ZNF365: variants seen among roughly 807,000 people sequenced by gnomAD.
ZNF365 encodes the protein zinc finger protein 365.
ZNF365 carries 22 observed loss-of-function variants against 35.0 expected under a neutral mutation model. The observed-to-expected ratio is 0.63, with a 90% CI of 0.45 to 0.90. The LOEUF (loss-of-function observed/expected upper bound fraction) is 0.90, where lower values mean the gene tolerates loss of function less well. Among genes scored for constraint, ZNF365 ranks in the 40% least tolerant of loss-of-function variants. ZNF365 has a pLI of 0.00. For synonymous variants in ZNF365, 188 were observed against 196.2 expected, an observed-to-expected ratio of 0.96 and a Z score of 0.35; for missense variants, 448 against 500.3, an observed-to-expected ratio of 0.90 and a Z score of 1.00.
chr10:62,450,110 T>C lies in ZNF365; in HGVS notation c.925-9631T>C, dbSNP rs183697021. Among the ~76,000 whole-genome samples, 595 of 150,280 alleles carry C rather than the reference T, an allele frequency of 4.0e-3. 7 individuals carry two copies. The highest frequency in any genetic ancestry group is 0.014 in the African/African-American group (560 of 41,122). On this transcript the variant is annotated intron_variant, in intron 3 of 4. Transcript: ENST00000395255. ...AACATAGCAAGATCCCCAACTCCAT[T>C]AAAAAAAAAATTTTAAGACTTAGTG...
At chr10:62,467,051 C>T (rs1840956087) in intron 4 of ZNF365, among the ~76,000 whole-genome samples, 1 of 152,194 alleles carries the variant, frequency 6.6e-6, no homozygotes, top group African/African-American at 2.4e-5. Flanking sequence ...ATTCAGCATA[C>T]ATTAACCATT....
intron 2 of ZNF365, among the ~76,000 whole-genome samples, chr10:62,380,534 A>G (rs1313268521): frequency 1.3e-5 from 2 of 152,196 alleles, no homozygotes; most frequent in Admixed American, 6.5e-5. Flanking sequence ...TGGATTTTCA[A>G]CTGCATAGGA....
intron 3 of ZNF365, among the ~76,000 whole-genome samples, chr10:62,431,339 T>C (rs1840330707): frequency 6.6e-6 from 1 of 152,196 alleles, no homozygotes; most frequent in Non-Finnish European, 1.5e-5. Context: ...TATGTGTATA[T>C]AAATATAAAC....
intron 4 of ZNF365, among the ~76,000 whole-genome samples, chr10:62,461,266 G>T (rs1840842533): frequency 6.6e-6 from 1 of 152,178 alleles, no homozygotes; most frequent in Admixed American, 6.5e-5. Context: ...ATCACACGTG[G>T]GCCAAGAGCC....
At position 62,445,915 on chromosome 10, in the gene ZNF365, G is replaced by A. The variant is rs534943486; in HGVS notation, c.925-13826G>A. Among the ~76,000 whole-genome samples the A allele has an allele frequency of 7.9e-5, 12 of 152,250 alleles. No individual in the cohort carries two copies. In the South Asian group the frequency reaches 2.3e-3, roughly 29 times the overall value. ...AGAGATCCAGCATCTTCTATTGACT[G>A]TAGTCTTAGGCACCATGAACCCAGG... On this transcript the variant is annotated intron_variant, in intron 3 of 4. Transcript: ENST00000395255.
At chr10:62,402,546 G>C (rs1260979767), downstream of ZNF365, 1 of 733,798 alleles carries the variant, frequency 1.4e-6, no homozygotes, top group South Asian at 6.2e-5. Flanking sequence ...TGAATAAGCT[G>C]TTCATCATAC....
chr10:62,470,503 A>G (rs1035553741), intron 4 of ZNF365, among the ~76,000 whole-genome samples: 2 of 152,262 alleles, frequency 1.3e-5, no homozygotes, highest in African/African-American at 4.8e-5. Context: ...AAGGAGGGAC[A>G]CTGACAACCT....
rs1486753960 is a variant in ZNF365, at chr10:62,449,585, TATA to T, written c.925-10152_925-10150del. Among the ~76,000 whole-genome samples, 13 of 152,306 alleles carry T rather than the reference TATA, an allele frequency of 8.5e-5. 1 individual carries two copies. In the East Asian group the frequency reaches 2.5e-3, roughly 29 times the overall value. On this transcript the variant is annotated intron_variant, in intron 3 of 4. Coordinates refer to the ZNF365 transcript ENST00000395255. ...TCTGTACCATTGGAACATTTTACAA[TATA>T]ATATTTGAATTAAAAAAATTCTTCT...
chr10:62,461,143 G>C (rs1234261358), intron 4 of ZNF365, among the ~76,000 whole-genome samples: 1 of 152,094 alleles, frequency 6.6e-6, no homozygotes, highest in Non-Finnish European at 1.5e-5. Flanking sequence ...AATCTTCTAG[G>C]GCTGATCCTC....
intron 3 of ZNF365, chr10:62,459,726 T>C: frequency 6.2e-7 from 1 of 1,604,134 alleles, no homozygotes; most frequent in South Asian, 1.1e-5. Flanking sequence ...GGCAGTACCC[T>C]TCTTTTCCTT....
intron 4 of ZNF365, among the ~76,000 whole-genome samples, chr10:62,472,598 C>A (rs950279438): frequency 6.6e-6 from 1 of 152,168 alleles, no homozygotes. Flanking sequence ...TTTCCTAGTG[C>A]TTTTAGAGTG....
At chr10:62,475,361 G>A (rs1302565220) in intron 4 of ZNF365, among the ~76,000 whole-genome samples, 2 of 152,184 alleles carry the variant, frequency 1.3e-5, no homozygotes, top group Non-Finnish European at 2.9e-5. Context: ...GTTCAAGGCT[G>A]AAGTGCACCA....
chr10:62,417,176 A>T (rs1323588578), intron 3 of ZNF365, among the ~76,000 whole-genome samples: 1 of 152,070 alleles, frequency 6.6e-6, no homozygotes, highest in Non-Finnish European at 1.5e-5. Context: ...AATGTACTTG[A>T]ACTAAACATG....
rs1338945950 is a variant in ZNF365 at position 62,399,809 on chromosome 10, C to T, written c.*20C>T. On this transcript the variant is annotated 3_prime_UTR_variant, in exon 5 of 5. Coordinates refer to ENST00000395254, the MANE Select transcript of ZNF365 (RefSeq NM_014951.3). Reference sequence around the variant, plus strand: ...ATCTAAAAGGGTGGGTGGTGCTGGACCAATCATCGCTGGGCTTTGGGGAAC... The same window carrying T: ...ATCTAAAAGGGTGGGTGGTGCTGGATCAATCATCGCTGGGCTTTGGGGAAC... 4 of 1,598,450 alleles carry T rather than the reference C, an allele frequency of 2.5e-6. No homozygotes were observed. The highest frequency in any genetic ancestry group is 2.2e-5 in the East Asian group (1 of 44,602).
At chr10:62,437,872 T>C (rs1420969286) in intron 3 of ZNF365, among the ~76,000 whole-genome samples, 29 of 152,146 alleles carry the variant, frequency 1.9e-4, no homozygotes, top group Non-Finnish European at 1.5e-5. Flanking sequence ...ATTATGTAGG[T>C]ATTAATCTTT....
chr10:62,477,058 C>T (rs1030401489), intron 4 of ZNF365, among the ~76,000 whole-genome samples: 1 of 152,132 alleles, frequency 6.6e-6, no homozygotes, highest in African/African-American at 2.4e-5. Context: ...GTGCCAGATA[C>T]CACGCCTGGC....
chr10:62,443,322 C>G (rs1248659147), intron 3 of ZNF365, among the ~76,000 whole-genome samples: 6 of 152,190 alleles, frequency 3.9e-5, no homozygotes, highest in Non-Finnish European at 8.8e-5. Flanking sequence ...TGGAGACAAA[C>G]AGAGACCCTC....
chr10:62,451,118 G>A (rs1353469151), intron 3 of ZNF365, among the ~76,000 whole-genome samples: 1 of 152,188 alleles, frequency 6.6e-6, no homozygotes, highest in Non-Finnish European at 1.5e-5. Flanking sequence ...ACAGAATGAG[G>A]AAGGCTGAGT....
chr10:62,462,970 G>A (rs543425896), intron 4 of ZNF365, among the ~76,000 whole-genome samples: 1 of 152,302 alleles, frequency 6.6e-6, no homozygotes, highest in East Asian at 1.9e-4. Flanking sequence ...GCAGTGGGAA[G>A]CCGTAAAGGT....
Sources: allele counts gnomAD v4.1 joint callset (sites outside exome capture counted in the v4.1 genomes callset), GRCh38; gene constraint gnomAD v4.1.1; transcripts MANE v1.5; gene names NCBI Gene and HGNC (gene_info 2026-07-23, HGNC 2026-07-21).